Variants in PLXNA2 observed in about 807,000 individuals in gnomAD.
The protein encoded by PLXNA2 is plexin-A2.
In PLXNA2, 91 loss-of-function variants were observed where a neutral mutation model predicts 193.5. That is an observed-to-expected ratio of 0.47 (90% CI 0.40 to 0.56). PLXNA2 has a LOEUF of 0.56. Among genes scored for constraint, PLXNA2 ranks in the 20% least tolerant of loss-of-function variants. PLXNA2 has a pLI of 0.00. For synonymous variants in PLXNA2, 997 were observed against 1,027.3 expected (o/e 0.97, Z 0.56); for missense variants, 1,995 against 2,503.2 (o/e 0.80, Z 4.33).
intron 1 of PLXNA2, among the ~76,000 whole-genome samples, chr1:208,234,264 A>G (rs112246848): frequency 1.2e-3 from 185 of 152,298 alleles, no homozygotes; most frequent in Middle Eastern, 0.01. Flanking sequence ...GGGCCCGGGT[A>G]AAAGGTACTA....
At chr1:208,194,485 GA>G (rs11358576) in intron 3 of PLXNA2, among the ~76,000 whole-genome samples, 24,495 of 128,662 alleles carry the variant, frequency 0.19, 2,297 homozygotes, top group Admixed American at 0.32. Flanking sequence ...AAAAAAGAAA[GA>G]AAAAAAAAAC....
intron 3 of PLXNA2, among the ~76,000 whole-genome samples, chr1:208,173,066 G>A (rs992076103): frequency 2.6e-5 from 4 of 152,206 alleles, no homozygotes; most frequent in Non-Finnish European, 5.9e-5. Context: ...AGTATTGCTA[G>A]ATTGGACTCC....
At chr1:208,226,878 C>T (rs1671528077) in intron 1 of PLXNA2, among the ~76,000 whole-genome samples, 1 of 152,370 alleles carries the variant, frequency 6.6e-6, no homozygotes, top group Non-Finnish European at 1.5e-5. Flanking sequence ...ATGGCCACCT[C>T]CCCGCTGGGT....
In PLXNA2 at chr1:208,026,512, T is replaced by C. The variant is rs1311318501; in HGVS notation, c.*731A>G. 1.3e-5 allele frequency: 2 copies of C among 152,192 alleles called. No individual in the cohort carries two copies. The highest frequency in any genetic ancestry group is 2.9e-5 in the Non-Finnish European group (2 of 68,034). The allele number at this position is 152,192 out of a possible 1,614,324, so 9.4% of individuals were successfully genotyped here. ...TTTCCAGTCAGCCAGGGTGAGCTCT[T>C]GATGGCTTTGCAATTTGTGCAAAGT... is the stretch of plus-strand genomic sequence containing the variant. On this transcript the variant is annotated 3_prime_UTR_variant, in exon 32 of 32. Coordinates refer to ENST00000367033, the MANE Select transcript of PLXNA2 (RefSeq NM_025179.4).
Position 208,096,675 on chromosome 1 carries a change from TC to T in PLXNA2, c.1885+54del. ...GTGCCTAGTTCTTGTGACCCCCAGC[TC>T]CCTCAGTATAGAGAAGCCCCTCATT... On this transcript the variant is annotated intron_variant, in intron 7 of 31. Transcript: ENST00000367033. 3.8e-6 allele frequency: 6 copies of T among 1,590,778 alleles called. 1 individual carries two copies. The South Asian group carries it at 6.8e-5, about 18-fold the overall frequency.
At chr1:208,170,828 G>T (rs1443321511) in intron 3 of PLXNA2, among the ~76,000 whole-genome samples, 2 of 151,990 alleles carry the variant, frequency 1.3e-5, no homozygotes, top group Non-Finnish European at 2.9e-5. Flanking sequence ...AGTATAAACA[G>T]AAATAAAATA....
intron 4 of PLXNA2, among the ~76,000 whole-genome samples, chr1:208,114,081 G>T (rs1667569432): frequency 1.3e-5 from 2 of 152,176 alleles, no homozygotes; most frequent in South Asian, 4.1e-4. Context: ...AATAGGGAAA[G>T]TGGGGCCTTT....
At chr1:208,043,817 G>A (rs1664960930) in intron 20 of PLXNA2, among the ~76,000 whole-genome samples, 4 of 152,228 alleles carry the variant, frequency 2.6e-5, no homozygotes, top group Admixed American at 1.3e-4. Flanking sequence ...ATCCAGCAGA[G>A]GGCTTGTTTC....
Position 208,023,672 on chromosome 1 carries a change from C to G in PLXNA2, c.*3571G>C, listed in dbSNP as rs1327788516. The G allele has an allele frequency of 2.6e-5, 4 of 152,484 alleles. No homozygotes were observed. Among genetic ancestry groups the G allele is most frequent in the Non-Finnish European group, 5.9e-5 (4 of 68,060 alleles). 9.4% of individuals were successfully genotyped at this position (152,484 alleles called of 1,614,324 possible). A position where few individuals can be genotyped will look rare whatever the true frequency, so the allele number is the denominator to read the frequency against. The stretch of plus-strand genomic sequence containing the variant: ...TTGCTGGACCACTTTTCCTACAAAA[C>G]TGGTACCCTGTGCCACTAGGGGAGG... On this transcript the variant is annotated 3_prime_UTR_variant, in exon 32 of 32. Transcript: ENST00000367033.
chr1:208,165,304 T>C (rs2102521107), intron 3 of PLXNA2, among the ~76,000 whole-genome samples: 1 of 152,254 alleles, frequency 6.6e-6, no homozygotes, highest in East Asian at 1.9e-4. Flanking sequence ...GTACCCTGTG[T>C]TTAGAGAATG....
intron 2 of PLXNA2, among the ~76,000 whole-genome samples, chr1:208,215,633 T>TGATG (rs139125204): frequency 0.056 from 8,511 of 150,844 alleles, 345 homozygotes; most frequent in East Asian, 0.14. Flanking sequence ...GATGGATGGA[T>TGATG]GATGGATGGA....
At chr1:208,049,345 AC>A (rs1665179845) in intron 17 of PLXNA2, among the ~76,000 whole-genome samples, 1 of 144,816 alleles carries the variant, frequency 6.9e-6, no homozygotes, top group Non-Finnish European at 1.5e-5. Flanking sequence ...GTGTGAACTT[AC>A]CATTCTTGTT....
rs1667064839 is a variant in PLXNA2 at position 208,100,648 on chromosome 1, A to G, written c.1608-1679T>C. ...CAGTGGCCATGTTTTATTCATTGGG[A>G]TATTCTACCTGTCACATGGTATATT... On this transcript the variant is annotated intron_variant, in intron 5 of 31. Coordinates refer to ENST00000367033, the MANE Select transcript of PLXNA2 (RefSeq NM_025179.4). Among the ~76,000 whole-genome samples the G allele has an allele frequency of 2.0e-5, 3 of 152,192 alleles. No individual in the cohort carries two copies. The South Asian group carries it at 6.2e-4, about 32-fold the overall frequency.
At chr1:208,098,092 C>G (rs992748050) in intron 6 of PLXNA2, among the ~76,000 whole-genome samples, 1 of 152,120 alleles carries the variant, frequency 6.6e-6, no homozygotes, top group Non-Finnish European at 1.5e-5. Flanking sequence ...CCTAACCTTT[C>G]CATACATTTG....
At chr1:208,223,231 G>GC (rs1671399366) in intron 1 of PLXNA2, among the ~76,000 whole-genome samples, 1 of 141,666 alleles carries the variant, frequency 7.1e-6, no homozygotes, top group Admixed American at 7.1e-5. Context: ...CCAACCCACT[G>GC]TTTTTTTTTT....
At chr1:208,228,733 C>T (rs1463194631) in intron 1 of PLXNA2, among the ~76,000 whole-genome samples, 1 of 152,196 alleles carries the variant, frequency 6.6e-6, no homozygotes, top group Non-Finnish European at 1.5e-5. Context: ...AGAGTGACTC[C>T]TCTCCCAACA....
rs147775744 is a variant in PLXNA2 at position 208,105,764 on chromosome 1, A to G, written c.1507-2517T>C. The stretch of plus-strand genomic sequence containing the variant: ...GGCTTCCGCTGGCCCCCTCCAAACC[A>G]CTCTCTGAGGCCTGAGAATGGTGGT... On this transcript the variant is annotated intron_variant, in intron 4 of 31. Coordinates refer to ENST00000367033, the MANE Select transcript of PLXNA2 (RefSeq NM_025179.4). 9.3e-5 allele frequency among the ~76,000 whole-genome samples: 14 copies of G among 150,806 alleles called. No homozygotes were observed. In the East Asian group the frequency reaches 2.7e-3, roughly 29 times the overall value.
chr1:208,234,001 A>C (rs144637027), intron 1 of PLXNA2, among the ~76,000 whole-genome samples: 189 of 152,294 alleles, frequency 1.2e-3, no homozygotes, highest in African/African-American at 4.0e-3. Context: ...CTCACAGGGA[A>C]TACTGCTTCA....
intron 12 of PLXNA2, among the ~76,000 whole-genome samples, chr1:208,067,299 G>C (rs975033214): frequency 6.1e-5 from 9 of 148,114 alleles, no homozygotes; most frequent in Non-Finnish European, 8.9e-5. Flanking sequence ...AGCCGAGATC[G>C]CACCATTGCA....
Sources: allele counts gnomAD v4.1 joint callset (sites outside exome capture counted in the v4.1 genomes callset), GRCh38; gene constraint gnomAD v4.1.1; transcripts MANE v1.5; gene names NCBI Gene and HGNC (gene_info 2026-07-23, HGNC 2026-07-21).